The following AKAP9 variants were observed in gnomAD, a reference collection of about 807,000 sequenced individuals.
AKAP9 encodes A-kinase anchor protein 9.
Under a neutral mutation model 488.5 loss-of-function variants are expected in AKAP9, and 311 were observed. The ratio of observed to expected loss-of-function variants is 0.64; its 90% CI spans 0.58 to 0.70. The LOEUF (loss-of-function observed/expected upper bound fraction) is 0.70, where lower values mean the gene tolerates loss of function less well. Among genes scored for constraint, AKAP9 ranks in the 30% least tolerant of loss-of-function variants. The probability of loss-of-function intolerance (pLI) is 0.00; values close to 1 mark genes in which losing one functional copy is unlikely to be tolerated. For missense variants in AKAP9, 4,215 were observed against 4,374.5 expected (o/e 0.96, Z 1.03); for synonymous variants, 1,462 against 1,483.5 (o/e 0.99, Z 0.33).
chr7:92,012,477 G>A lies in AKAP9; in HGVS notation c.3367G>A (p.Val1123Ile), dbSNP rs903034963. The A allele has an allele frequency of 5.0e-6, 8 of 1,614,020 alleles. No individual in the cohort carries two copies. Among genetic ancestry groups the A allele is most frequent in the Non-Finnish European group, 6.8e-6 (8 of 1,179,964 alleles). Residue 1123 changes from valine (V) to isoleucine (I), a missense_variant, in exon 9 of 50, where the codon GTT (valine) becomes ATT (isoleucine). Physicochemically the swap from Val to Ile is conservative, Grantham distance 29 (BLOSUM62 3). This residue lies in a region of AKAP9 where 2,361 missense variants were observed against 2,430.0 expected (regional missense o/e 0.97). Transcript: ENST00000356239. ...MEAQRICLSL[V>I]YSTHVDQVRE... is the part of the protein sequence containing the mutation. ...AGCCCAACGCATTTGCCTCTCTCTG[G>A]TTTATTCAACTCATGTGGATCAGGT...
chr7:91,979,865 T>A (rs906120323), intron 2 of AKAP9, among the ~76,000 whole-genome samples: 4 of 152,196 alleles, frequency 2.6e-5, no homozygotes, highest in Non-Finnish European at 4.4e-5. Flanking sequence ...TTAAAACTTA[T>A]GAATTGTTTA....
At chr7:92,062,570 TC>T in intron 24 of AKAP9, 84 bp downstream of exon 24, 2 of 1,067,820 alleles carry the variant, frequency 1.9e-6, no homozygotes, top group Non-Finnish European at 2.8e-6. Context: ...TTTTCCTCTT[TC>T]AGTGCCATTA....
At chr7:91,986,148 T>C (rs1310338316) in intron 3 of AKAP9, among the ~76,000 whole-genome samples, 1 of 152,196 alleles carries the variant, frequency 6.6e-6, no homozygotes, top group Non-Finnish European at 1.5e-5. Flanking sequence ...GGAGGGTGTA[T>C]GTGTCCAGGA....
chr7:92,014,394 G>T, intron 10 of AKAP9, 66 bp downstream of exon 10: 2 of 1,162,136 alleles, frequency 1.7e-6, no homozygotes, highest in East Asian at 2.5e-5. Context: ...CCAGCACTTT[G>T]GGAGGCTGAG....
rs534121194 is a variant in AKAP9 at position 91,969,038 on chromosome 7, A to G, written c.49-4673A>G. 4.0e-5 allele frequency among the ~76,000 whole-genome samples: 6 copies of G among 151,852 alleles called. No individual in the cohort carries two copies. The South Asian group carries it at 1.0e-3, about 26-fold the overall frequency. ...AGGCGTGGGACACCATGCCTAGCCA[A>G]TGTTTTGAAATTTTGTAGGTTTGAG... On this transcript the variant is annotated intron_variant, in intron 1 of 49. Coordinates refer to ENST00000356239, the MANE Select transcript of AKAP9 (RefSeq NM_005751.5).
intron 11 of AKAP9, among the ~76,000 whole-genome samples, chr7:92,016,807 G>T (rs960261835): frequency 6.6e-6 from 1 of 151,970 alleles, no homozygotes; most frequent in Non-Finnish European, 1.5e-5. Context: ...ACTACCAAAA[G>T]AAATTAACAT....
intron 39 of AKAP9, among the ~76,000 whole-genome samples, chr7:92,094,575 C>A (rs961600553): frequency 7.2e-5 from 11 of 152,078 alleles, no homozygotes; most frequent in Admixed American, 3.3e-4. Context: ...TGGCTCATGC[C>A]TGTAATCCGA....
At chr7:92,043,472 G>T (rs964119069) in intron 20 of AKAP9, 3 of 383,022 alleles carry the variant, frequency 7.8e-6, no homozygotes, top group African/African-American at 2.2e-5. Context: ...AAACTATGCA[G>T]TATTTAATTT....
intron 24 of AKAP9, 75 bp from the exon 25 acceptor site, chr7:92,065,156 A>G (rs1482277882): frequency 2.1e-6 from 2 of 963,938 alleles, no homozygotes; most frequent in Non-Finnish European, 3.1e-6. Flanking sequence ...AAATTTGGAC[A>G]TAGTTATCAG....
Position 92,077,742 on chromosome 7 carries a change from T to C in AKAP9, c.6812T>C (p.Met2271Thr). 6.2e-7 allele frequency: 1 copy of C among 1,613,896 alleles called. No homozygotes were observed. ...LGLAIKESDA[M>T]STQDQHVLFG... ...CTTGCCATAAAGGAATCTGATGCCA[T>C]GTCTACTCAAGACCAACATGTGCTA... Residue 2271 changes from methionine (M) to threonine (T), a missense_variant, in exon 30 of 50, where the codon ATG becomes ACG. This residue lies in a region of AKAP9 where 1,476 missense variants were observed against 1,477.4 expected (regional missense o/e 1.00). Coordinates refer to ENST00000356239, the MANE Select transcript of AKAP9 (RefSeq NM_005751.5).
intron 1 of AKAP9, among the ~76,000 whole-genome samples, chr7:91,957,474 T>C (rs933870095): frequency 6.6e-6 from 1 of 152,230 alleles, no homozygotes; most frequent in Non-Finnish European, 1.5e-5. Context: ...TATGTGCTGT[T>C]CTATAAGAGG....
intron 45 of AKAP9, 95 bp from the exon 46 acceptor site, chr7:92,102,499 C>CCAA (rs1817741971): frequency 1.1e-6 from 1 of 927,592 alleles, no homozygotes; most frequent in Admixed American, 2.0e-5. Flanking sequence ...ACCACCACCA[C>CCAA]CACCACTACT....
At position 92,042,051 on chromosome 7, in the gene AKAP9, C is replaced by A. The variant is rs755109971; in HGVS notation, c.4923C>A (p.Ser1641=). The change falls in exon 19 of 50, where the codon TCC becomes TCA. Residue 1641 remains serine, a synonymous_variant. Coordinates refer to ENST00000356239, the MANE Select transcript of AKAP9 (RefSeq NM_005751.5). ...KRLNRQLAQR[S]SIDNENLVSE... ...TGACCTTTTTTCTTATTTAGAGATC[C>A]TCCATAGATAATGAAAACCTGGTTT... 5.0e-6 allele frequency: 8 copies of A among 1,613,640 alleles called. No homozygotes were observed. The highest frequency in any genetic ancestry group is 6.8e-6 in the Non-Finnish European group (8 of 1,179,778).
rs180926926 is a variant in AKAP9, at chr7:92,089,539, A to T, written c.9358+10A>T. On this transcript the variant is annotated intron_variant, in intron 38 of 49. Coordinates refer to ENST00000356239, the MANE Select transcript of AKAP9 (RefSeq NM_005751.5). ...GAGAAACCAAGCCAAGGTATGTTGT[A>T]TGACAAGCTCATATGGTTACACAAA... 2.5e-5 allele frequency: 40 copies of T among 1,612,702 alleles called. No individual in the cohort carries two copies. Among genetic ancestry groups the T allele is most frequent in the Non-Finnish European group, 3.2e-5 (38 of 1,179,234 alleles).
chr7:92,105,092 A>G lies in AKAP9; in HGVS notation c.11331-586A>G, dbSNP rs141643587. On this transcript the variant is annotated intron_variant, in intron 46 of 49. Coordinates refer to ENST00000356239, the MANE Select transcript of AKAP9 (RefSeq NM_005751.5). Reference sequence around the variant, plus strand: ...TAAGATGGAGCCTTGGAACTGATTCAAAGTAAATCAAAACTGGTGCTCCAA... The same window carrying G: ...TAAGATGGAGCCTTGGAACTGATTCGAAGTAAATCAAAACTGGTGCTCCAA... Among the ~76,000 whole-genome samples, 37 of 152,288 alleles carry G rather than the reference A, an allele frequency of 2.4e-4. No homozygotes were observed. The East Asian group carries it at 6.4e-3, about 26-fold the overall frequency.
At chr7:92,069,518 A>G (rs182317707) in intron 26 of AKAP9, among the ~76,000 whole-genome samples, 98 of 152,332 alleles carry the variant, frequency 6.4e-4, no homozygotes, top group African/African-American at 2.2e-3. Flanking sequence ...ATTTAAAAAT[A>G]CTTTTTAGAA....
rs374707946 is a variant in AKAP9, at chr7:92,027,302, G to T, written c.4149-2593G>T. ...AGCCGCCCCGTCTGGGATGTGAGGA[G>T]CACCTCTGCCCGGCCGCCACCCCGT... is the stretch of plus-strand genomic sequence containing the variant. On this transcript the variant is annotated intron_variant, in intron 14 of 49. Transcript: ENST00000356239. 1.5e-4 allele frequency among the ~76,000 whole-genome samples: 21 copies of T among 144,614 alleles called. No individual in the cohort carries two copies. The East Asian group carries it at 3.6e-3, about 25-fold the overall frequency. 94.9% of individuals were successfully genotyped at this position (144,614 alleles called of 152,430 possible).
At chr7:92,110,046 G>A in intron 49 of AKAP9, 76 bp from the exon 50 acceptor site, 3 of 1,086,014 alleles carry the variant, frequency 2.8e-6, no homozygotes, top group Non-Finnish European at 2.8e-6. Context: ...AATTTCCTTT[G>A]TGTGAACTCT....
intron 22 of AKAP9, among the ~76,000 whole-genome samples, chr7:92,056,981 C>A (rs905774104): frequency 1.2e-4 from 18 of 151,914 alleles, no homozygotes; most frequent in Non-Finnish European, 2.4e-4. Context: ...TTCTAAAATT[C>A]TGAGTGGCTT....
Sources: allele counts gnomAD v4.1 joint callset (sites outside exome capture counted in the v4.1 genomes callset), GRCh38; gene constraint gnomAD v4.1.1; regional missense constraint gnomAD v4.1.1; transcripts MANE v1.5; gene names NCBI Gene and HGNC (gene_info 2026-07-23, HGNC 2026-07-21).